The following PIK3R4 variants were observed in gnomAD, a reference collection of about 807,000 sequenced individuals.
PIK3R4 encodes the protein phosphoinositide 3-kinase regulatory subunit 4.
Under a neutral mutation model 136.5 loss-of-function variants are expected in PIK3R4, and 46 were observed. The observed-to-expected ratio is 0.34, with a 90% CI of 0.27 to 0.43. PIK3R4 has a LOEUF of 0.43. Among genes scored for constraint, PIK3R4 ranks in the 20% least tolerant of loss-of-function variants. The pLI, the probability that PIK3R4 is intolerant of heterozygous loss-of-function variation, is 1.00. For synonymous variants in PIK3R4, 557 were observed against 566.7 expected, an observed-to-expected ratio of 0.98 and a Z score of 0.24; for missense variants, 1,331 against 1,649.5, an observed-to-expected ratio of 0.81 and a Z score of 3.35.
chr3:130,691,873 T>G (rs1353941067), intron 13 of PIK3R4, among the ~76,000 whole-genome samples: 1 of 142,290 alleles, frequency 7.0e-6, no homozygotes, highest in Non-Finnish European at 1.5e-5. Context: ...TCTAGTTTTT[T>G]TTTTTTTTTT....
At chr3:130,682,916 A>C (rs1301343129) in intron 16 of PIK3R4, among the ~76,000 whole-genome samples, 1 of 152,230 alleles carries the variant, frequency 6.6e-6, no homozygotes, top group African/African-American at 2.4e-5. Flanking sequence ...CAGAAGAAAA[A>C]AATGGTCTTA....
At chr3:130,709,930 G>A (rs2066625459) in intron 9 of PIK3R4, among the ~76,000 whole-genome samples, 1 of 152,072 alleles carries the variant, frequency 6.6e-6, no homozygotes, top group African/African-American at 2.4e-5. Flanking sequence ...AAAATGTTCT[G>A]GAATTTAACA....
At chr3:130,744,164 T>C (rs1298961502) in intron 2 of PIK3R4, among the ~76,000 whole-genome samples, 1 of 152,230 alleles carries the variant, frequency 6.6e-6, no homozygotes, top group Non-Finnish European at 1.5e-5. Flanking sequence ...CCTTTTGCAA[T>C]ATCCACGGTC....
intron 2 of PIK3R4, among the ~76,000 whole-genome samples, chr3:130,737,823 C>T (rs767444553): frequency 3.9e-5 from 6 of 152,172 alleles, no homozygotes; most frequent in Non-Finnish European, 7.3e-5. Flanking sequence ...ATTCATCTCA[C>T]GTAATTTATT....
intron 6 of PIK3R4, among the ~76,000 whole-genome samples, chr3:130,725,416 T>C (rs899193666): frequency 6.6e-6 from 1 of 151,420 alleles, no homozygotes; most frequent in Non-Finnish European, 1.5e-5. Flanking sequence ...CAGTTACATA[T>C]CTGAGAAGAA....
rs758678964 is a variant in PIK3R4, at chr3:130,716,428, T to C, written c.2299A>G (p.Ile767Val). 6 of 1,614,114 alleles carry C rather than the reference T, an allele frequency of 3.7e-6. No homozygotes were observed. Among genetic ancestry groups the C allele is most frequent in the Middle Eastern group, 1.6e-4 (1 of 6,084 alleles). Residue 767 changes from isoleucine to valine, a missense_variant, in exon 9 of 20, where the codon ATA becomes GTA. This residue lies in a region of PIK3R4 where 1,180 missense variants were observed against 1,407.0 expected (regional missense o/e 0.84). Transcript: ENST00000356763. ...PDCPPPEDPAIAQLLKKLLSQ... is the reference protein window; with the variant it reads ...PDCPPPEDPAVAQLLKKLLSQ... ...AGCAACTTCTTCAGAAGCTGTGCTA[T>C]GGCAGGATCCTCTGGCGGAGGGCAG...
At chr3:130,685,814 C>A (rs1348408996) in intron 15 of PIK3R4, among the ~76,000 whole-genome samples, 3 of 152,136 alleles carry the variant, frequency 2.0e-5, no homozygotes, top group East Asian at 1.9e-4. Context: ...GATAGCTGAA[C>A]CTCAGAGGAG....
intron 9 of PIK3R4, among the ~76,000 whole-genome samples, chr3:130,712,202 T>C (rs144834901): frequency 2.6e-4 from 40 of 152,180 alleles, no homozygotes; most frequent in African/African-American, 9.2e-4. Context: ...ATAGAAACAA[T>C]GCTACGCTGG....
chr3:130,735,216 ATAAT>A (rs1327491614), intron 3 of PIK3R4, among the ~76,000 whole-genome samples: 2 of 152,200 alleles, frequency 1.3e-5, no homozygotes, highest in South Asian at 2.1e-4. Context: ...ATCTCCCTAC[ATAAT>A]TAAAGAATAT....
chr3:130,710,489 T>C (rs1308196422), intron 9 of PIK3R4, among the ~76,000 whole-genome samples: 8 of 152,124 alleles, frequency 5.3e-5, no homozygotes. Flanking sequence ...TGGTATAATG[T>C]CGAGAGTTTT....
intron 9 of PIK3R4, among the ~76,000 whole-genome samples, chr3:130,712,399 T>C (rs1340278858): frequency 1.3e-5 from 2 of 151,876 alleles, no homozygotes. Context: ...CCGGGCGAGG[T>C]GGCTCACGCT....
At chr3:130,715,095 C>T (rs1433102790) in intron 9 of PIK3R4, among the ~76,000 whole-genome samples, 1 of 151,498 alleles carries the variant, frequency 6.6e-6, no homozygotes, top group Non-Finnish European at 1.5e-5. Flanking sequence ...TTCTCCACAG[C>T]CTCCCCAGGA....
At chr3:130,708,197 T>C in intron 10 of PIK3R4, 94 bp downstream of exon 10, 2 of 989,250 alleles carry the variant, frequency 2.0e-6, no homozygotes, top group Admixed American at 4.3e-5. Flanking sequence ...ATCTGTGAAA[T>C]GGGGCTTTTT....
At chr3:130,711,780 T>C (rs997797465) in intron 9 of PIK3R4, among the ~76,000 whole-genome samples, 1 of 152,184 alleles carries the variant, frequency 6.6e-6, no homozygotes, top group Non-Finnish European at 1.5e-5. Context: ...TGCAAAGCAA[T>C]TCAACACCCA....
At chr3:130,734,216 G>T (rs1034236653) in intron 3 of PIK3R4, 86 bp from the exon 4 acceptor site, 2 of 1,063,672 alleles carry the variant, frequency 1.9e-6, no homozygotes, top group Non-Finnish European at 2.7e-6. Flanking sequence ...ATTTACATAC[G>T]ATTTAAAGGA....
chr3:130,721,254 G>A (rs1038372251), intron 7 of PIK3R4, among the ~76,000 whole-genome samples: 3 of 151,188 alleles, frequency 2.0e-5, no homozygotes, highest in East Asian at 2.0e-4. Context: ...GGAGAATGGC[G>A]TGAACCTGGG....
At chr3:130,743,581 A>ATG (rs2066836341) in intron 2 of PIK3R4, among the ~76,000 whole-genome samples, 2 of 152,174 alleles carry the variant, frequency 1.3e-5, no homozygotes, top group Non-Finnish European at 2.9e-5. Flanking sequence ...CTCAGGGACC[A>ATG]GCATCACCAT....
Position 130,680,216 on chromosome 3 carries a change from T to TTCTC in PIK3R4, c.3906+393_3906+396dup, listed in dbSNP as rs2066449422. On this transcript the variant is annotated intron_variant, in intron 19 of 19. Coordinates refer to ENST00000356763, the MANE Select transcript of PIK3R4 (RefSeq NM_014602.3). ...CTTTGGCCCAGGTGCTAAAGGTATA[T>TTCTC]TCTCACTTGAAGTTTTTGCCTGAGT... Among the ~76,000 whole-genome samples the TTCTC allele has an allele frequency of 4.6e-5, 7 of 152,348 alleles. 1 individual carries two copies. In the South Asian group the frequency reaches 1.4e-3, roughly 32 times the overall value.
chr3:130,718,634 C>A, intron 7 of PIK3R4, 100 bp from the exon 8 acceptor site: 1 of 1,133,754 alleles, frequency 8.8e-7, no homozygotes, highest in Non-Finnish European at 1.3e-6. Flanking sequence ...AGGATTTTGC[C>A]ACAGTGTTAC....
Sources: gnomAD v4.1 joint callset for allele counts (sites outside exome capture counted in the v4.1 genomes callset) on GRCh38, gnomAD v4.1.1 for gene constraint, gnomAD v4.1.1 regional missense constraint, MANE v1.5 for transcripts, NCBI Gene and HGNC (gene_info 2026-07-23, HGNC 2026-07-21) for gene names.